TIAM1: variants seen among roughly 807,000 people sequenced by gnomAD.
TIAM1 encodes the protein TIAM Rac1 associated GEF 1.
A neutral mutation model predicts 163.5 loss-of-function variants in TIAM1; 65 were observed. That is an observed-to-expected ratio of 0.40 (90% CI 0.33 to 0.49). TIAM1 has a LOEUF of 0.49. Among genes scored for constraint, TIAM1 ranks in the 20% least tolerant of loss-of-function variants. The pLI, the probability that TIAM1 is intolerant of heterozygous loss-of-function variation, is 0.77. For synonymous variants in TIAM1, 833 were observed against 810.1 expected, an observed-to-expected ratio of 1.03 and a Z score of -0.48; for missense variants, 1,789 against 2,044.7, an observed-to-expected ratio of 0.87 and a Z score of 2.41.
intron 16 of TIAM1, among the ~76,000 whole-genome samples, chr21:31,159,971 CA>C (rs1249213795): frequency 5.3e-5 from 8 of 152,100 alleles, no homozygotes; most frequent in African/African-American, 1.9e-4. Context: ...GAAATAAAGT[CA>C]AAAACACCTC....
chr21:31,400,787 T>C (rs142220762), intron 2 of TIAM1, among the ~76,000 whole-genome samples: 73 of 152,244 alleles, frequency 4.8e-4, no homozygotes, highest in African/African-American at 1.7e-3. Context: ...TCAGAAGTCC[T>C]TGACTATTAA....
intron 2 of TIAM1, among the ~76,000 whole-genome samples, chr21:31,431,241 G>A (rs2044017224): frequency 6.6e-6 from 1 of 152,252 alleles, no homozygotes; most frequent in Admixed American, 6.5e-5. Flanking sequence ...AAACTACTCT[G>A]AGATGCACTC....
In TIAM1 at chr21:31,534,294, A is replaced by G. The variant is rs1428108520; in HGVS notation, c.-422+24633T>C. ...AAAAGTCATTAAATCCAGTGCCTAC[A>G]TCGAGAACAACCAGACTTAACAACA... is the stretch of plus-strand genomic sequence containing the variant. On this transcript the variant is annotated intron_variant, in intron 1 of 28. Transcript: ENST00000286827. 2.0e-5 allele frequency among the ~76,000 whole-genome samples: 3 copies of G among 152,248 alleles called. No individual in the cohort carries two copies. In the East Asian group the frequency reaches 5.8e-4, roughly 29 times the overall value.
intron 6 of TIAM1, among the ~76,000 whole-genome samples, chr21:31,238,649 G>A (rs571369083): frequency 4.6e-5 from 7 of 152,274 alleles, no homozygotes; most frequent in East Asian, 1.9e-4. Flanking sequence ...GTGTAGTGAG[G>A]CAAGAATAAC....
At chr21:31,360,378 T>C (rs1320677053) in intron 2 of TIAM1, among the ~76,000 whole-genome samples, 5 of 152,220 alleles carry the variant, frequency 3.3e-5, no homozygotes, top group Non-Finnish European at 7.4e-5. Context: ...AAGGAGTTAA[T>C]ATACTCTAAT....
chr21:31,506,010 C>CA (rs141958932), intron 1 of TIAM1, among the ~76,000 whole-genome samples: 8,358 of 84,034 alleles, frequency 0.099, 494 homozygotes, highest in Admixed American at 0.17. Context: ...GACTCTGCCT[C>CA]AAAAAAAAAA....
At chr21:31,385,182 C>G (rs1045056033) in intron 2 of TIAM1, among the ~76,000 whole-genome samples, 1 of 152,224 alleles carries the variant, frequency 6.6e-6, no homozygotes, top group Admixed American at 6.5e-5. Context: ...CTGCCTCAGC[C>G]TCACAAGCAG....
intron 2 of TIAM1, among the ~76,000 whole-genome samples, chr21:31,362,408 G>C (rs2076421508): frequency 1.3e-5 from 2 of 151,108 alleles, no homozygotes; most frequent in South Asian, 4.2e-4. Flanking sequence ...TTCTCTTCAT[G>C]ACGAGTCATA....
intron 5 of TIAM1, among the ~76,000 whole-genome samples, chr21:31,247,067 C>T (rs1055871643): frequency 1.3e-5 from 2 of 152,018 alleles, no homozygotes; most frequent in South Asian, 2.1e-4. Context: ...TGCCTGTAAT[C>T]GCAGCACTTT....
chr21:31,408,725 A>G (rs1395092339), intron 2 of TIAM1, among the ~76,000 whole-genome samples: 1 of 152,188 alleles, frequency 6.6e-6, no homozygotes, highest in Non-Finnish European at 1.5e-5. Flanking sequence ...GTCTTAGATT[A>G]GTTCTATTTT....
chr21:31,279,729 T>C (rs1009828341), intron 2 of TIAM1, among the ~76,000 whole-genome samples: 7 of 152,210 alleles, frequency 4.6e-5, no homozygotes, highest in Non-Finnish European at 7.4e-5. Flanking sequence ...TCTCAATAAA[T>C]GTTACCCTAT....
intron 5 of TIAM1, among the ~76,000 whole-genome samples, chr21:31,251,235 C>A (rs1412155516): frequency 3.9e-5 from 6 of 152,182 alleles, no homozygotes; most frequent in Non-Finnish European, 8.8e-5. Flanking sequence ...ATGAGATGCT[C>A]CTCTAGCGTT....
chr21:31,540,729 T>G (rs2048296218), intron 1 of TIAM1, among the ~76,000 whole-genome samples: 1 of 152,230 alleles, frequency 6.6e-6, no homozygotes, highest in South Asian at 2.1e-4. Context: ...TTCTTTTGTT[T>G]GTTTTTTTTG....
chr21:31,139,206 C>A (rs902645881), intron 22 of TIAM1, among the ~76,000 whole-genome samples: 11 of 152,122 alleles, frequency 7.2e-5, no homozygotes, highest in African/African-American at 2.7e-4. Flanking sequence ...ATCCATTTCG[C>A]CTTCTAATCT....
intron 2 of TIAM1, among the ~76,000 whole-genome samples, chr21:31,436,350 C>T (rs1317744690): frequency 1.3e-5 from 2 of 152,136 alleles, no homozygotes; most frequent in South Asian, 2.1e-4. Flanking sequence ...CTAAAGTATA[C>T]GCCAGAGCCA....
intron 1 of TIAM1, among the ~76,000 whole-genome samples, chr21:31,557,486 A>T (rs1601098470): frequency 6.6e-6 from 1 of 152,240 alleles, no homozygotes; most frequent in Admixed American, 6.5e-5. Flanking sequence ...GCGCAAACTG[A>T]GACACAGGAA....
intron 2 of TIAM1, among the ~76,000 whole-genome samples, chr21:31,316,784 A>T (rs771151921): frequency 6.6e-6 from 1 of 152,178 alleles, no homozygotes; most frequent in Non-Finnish European, 1.5e-5. Context: ...GCCTAGATAA[A>T]ACCCTTCTAT....
intron 4 of TIAM1, among the ~76,000 whole-genome samples, chr21:31,256,630 T>TACACACACACAA (rs1569115880): frequency 2.2e-4 from 33 of 149,036 alleles, no homozygotes; most frequent in Non-Finnish European, 4.0e-4. Flanking sequence ...CACACACACG[T>TACACACACACAA]ATATTATCTT....
rs73899651 is a variant in TIAM1, at chr21:31,123,079, G to A, written c.4306+1443C>T. Among the ~76,000 whole-genome samples the A allele has an allele frequency of 8.6e-3, 1,303 of 152,336 alleles. 19 individuals are homozygous for A. The highest frequency in any genetic ancestry group is 0.03 in the African/African-American group (1,260 of 41,584). ...GGCTATGACATCAAGGCTTTCTCTTGGTAATCATGACGGACGATGGTGTTA... is the reference window on the plus strand; with the variant it reads ...GGCTATGACATCAAGGCTTTCTCTTAGTAATCATGACGGACGATGGTGTTA... On this transcript the variant is annotated intron_variant, in intron 27 of 27. Coordinates refer to ENST00000541036, the MANE Select transcript of TIAM1 (RefSeq NM_001353694.2).
Sources: gnomAD v4.1 joint callset for allele counts (sites outside exome capture counted in the v4.1 genomes callset) on GRCh38, gnomAD v4.1.1 for gene constraint, MANE v1.5 for transcripts, NCBI Gene and HGNC (gene_info 2026-07-23, HGNC 2026-07-21) for gene names.